The following NFATC2 variants were observed in gnomAD, a reference collection of about 807,000 sequenced individuals.
NFATC2 encodes nuclear factor of activated T cells 2.
In NFATC2, 22 loss-of-function variants were observed where a neutral mutation model predicts 87.3. That is an observed-to-expected ratio of 0.25 (90% CI 0.18 to 0.36). The LOEUF (loss-of-function observed/expected upper bound fraction) is 0.36, where lower values mean the gene tolerates loss of function less well. Ranked by LOEUF, NFATC2 falls within the 10% of genes least tolerant of loss-of-function variation. NFATC2 has a pLI of 1.00. For missense variants in NFATC2, 1,149 were observed against 1,259.1 expected (o/e 0.91, Z 1.32); for synonymous variants, 565 against 542.2 (o/e 1.04, Z -0.58).
chr20:51,424,058 C>A (rs1555874344), intron 9 of NFATC2, among the ~76,000 whole-genome samples: 4 of 152,108 alleles, frequency 2.6e-5, no homozygotes, highest in Admixed American at 1.3e-4. Context: ...GGAGGGGAAA[C>A]AAGAGAGGGA....
In NFATC2 at chr20:51,391,320, A is replaced by ATTTCATGTTCCTTTCATGTCTCCTTTC; in HGVS notation, c.*175_*176insGAAAGGAGACATGAAAGGAACATGAAA. 2 of 1,472,770 alleles carry ATTTCATGTTCCTTTCATGTCTCCTTTC rather than the reference A, an allele frequency of 1.4e-6. No individual in the cohort carries two copies. Among genetic ancestry groups the ATTTCATGTTCCTTTCATGTCTCCTTTC allele is most frequent in the Admixed American group, 3.3e-5 (2 of 59,786 alleles). 91.2% of individuals were successfully genotyped at this position (1,472,770 alleles called of 1,614,324 possible). A position where few individuals can be genotyped will look rare whatever the true frequency, so the allele number is the denominator to read the frequency against. ...CTCCGGGCTGGGAGATGAACATGAA[A>ATTTCATGTTCCTTTCATGTCTCCTTTC]GGAGACAGAAGGTGAGGGGCTGTGG... On this transcript the variant is annotated 3_prime_UTR_variant, in exon 11 of 11. Transcript: ENST00000371564.
intron 5 of NFATC2, among the ~76,000 whole-genome samples, chr20:51,455,972 G>A (rs1600773264): frequency 1.2e-5 from 1 of 86,240 alleles, no homozygotes; most frequent in Non-Finnish European, 2.3e-5. Flanking sequence ...GGGTGGGTGG[G>A]TGGATGTGTG....
At chr20:51,538,768 C>T (rs1251278767) in intron 1 of NFATC2, among the ~76,000 whole-genome samples, 1 of 152,196 alleles carries the variant, frequency 6.6e-6, no homozygotes, top group African/African-American at 2.4e-5. Flanking sequence ...TTAACCTATT[C>T]AAGGCAGGTA....
chr20:51,520,628 TTTTA>T (rs1215860295), intron 2 of NFATC2, among the ~76,000 whole-genome samples: 7 of 151,152 alleles, frequency 4.6e-5, no homozygotes, highest in African/African-American at 7.3e-5. Context: ...GATGTTTCCT[TTTTA>T]TTTATTTATT....
At chr20:51,430,543 GT>G (rs1490256149) in intron 9 of NFATC2, among the ~76,000 whole-genome samples, 1 of 152,168 alleles carries the variant, frequency 6.6e-6, no homozygotes, top group African/African-American at 2.4e-5. Flanking sequence ...ATACCTAGAG[GT>G]CAGCCTTGTA....
At chr20:51,505,977 T>G (rs920772901) in intron 3 of NFATC2, among the ~76,000 whole-genome samples, 4 of 152,198 alleles carry the variant, frequency 2.6e-5, no homozygotes, top group Non-Finnish European at 5.9e-5. Context: ...TGAGCTCTCA[T>G]CGCAGGCAGG....
chr20:51,483,193 C>G (rs890186091), intron 3 of NFATC2, among the ~76,000 whole-genome samples: 3 of 151,996 alleles, frequency 2.0e-5, no homozygotes, highest in Non-Finnish European at 4.4e-5. Context: ...TTGCAAGTGG[C>G]ACGTCTCTGA....
At chr20:51,472,028 G>A (rs924020870) in intron 5 of NFATC2, among the ~76,000 whole-genome samples, 1 of 152,136 alleles carries the variant, frequency 6.6e-6, no homozygotes, top group African/African-American at 2.4e-5. Context: ...TGAGGTGGGT[G>A]GATCATCTGA....
intron 3 of NFATC2, among the ~76,000 whole-genome samples, chr20:51,482,911 A>C (rs1989383699): frequency 6.6e-6 from 1 of 152,200 alleles, no homozygotes; most frequent in Non-Finnish European, 1.5e-5. Flanking sequence ...ATCTCAAAGA[A>C]CTACATGGCA....
At position 51,411,516 on chromosome 20, in the gene NFATC2, C is replaced by CTTTTTT. The variant is rs67935951; in HGVS notation, c.2723-12792_2723-12787dup. Among the ~76,000 whole-genome samples the CTTTTTT allele has an allele frequency of 3.7e-4, 32 of 87,246 alleles. 3 individuals carry two copies. The highest frequency in any genetic ancestry group is 7.5e-4 in the African/African-American group (18 of 23,966). 57.2% of individuals were successfully genotyped at this position (87,246 alleles called of 152,430 possible). A position where few individuals can be genotyped will look rare whatever the true frequency, so the allele number is the denominator to read the frequency against. ...CAAGGTCCTGAAGCAATGCAATTGT[C>CTTTTTT]TTTTTTTTTTTTTTTTTTTTTTTTT... On this transcript the variant is annotated intron_variant, in intron 9 of 10. Transcript: ENST00000371564.
intron 5 of NFATC2, among the ~76,000 whole-genome samples, chr20:51,457,802 C>A (rs544376756): frequency 6.6e-6 from 1 of 151,842 alleles, no homozygotes; most frequent in Non-Finnish European, 1.5e-5. Flanking sequence ...TGCGCACTAT[C>A]AAGTTTGAGA....
chr20:51,518,116 T>A (rs1030419570), intron 2 of NFATC2, among the ~76,000 whole-genome samples: 1 of 152,192 alleles, frequency 6.6e-6, no homozygotes, highest in African/African-American at 2.4e-5. Context: ...TCTTCCACCT[T>A]GATAAAGACA....
intron 5 of NFATC2, among the ~76,000 whole-genome samples, chr20:51,465,394 A>G (rs228849): frequency 0.49 from 73,854 of 151,904 alleles, 19,945 homozygotes; most frequent in South Asian, 0.63. Flanking sequence ...AACTATATAT[A>G]TAGAAATCAC....
chr20:51,459,640 G>A (rs1449728158), intron 5 of NFATC2, among the ~76,000 whole-genome samples: 2 of 152,172 alleles, frequency 1.3e-5, no homozygotes, highest in African/African-American at 4.8e-5. Flanking sequence ...CACTTTGGGA[G>A]GCCGAGGCAG....
intron 2 of NFATC2, among the ~76,000 whole-genome samples, chr20:51,519,951 A>G (rs1042134902): frequency 6.6e-6 from 1 of 151,928 alleles, no homozygotes; most frequent in African/African-American, 2.4e-5. Flanking sequence ...GAAGTAGAGC[A>G]TCAGAGCCAG....
intron 3 of NFATC2, among the ~76,000 whole-genome samples, chr20:51,477,432 G>C (rs900070786): frequency 2.7e-5 from 4 of 150,594 alleles, no homozygotes; most frequent in Admixed American, 1.3e-4. Context: ...AGAGGACTTT[G>C]ACTTTATATG....
chr20:51,542,200 G>T (rs2076829974), intron 1 of NFATC2, among the ~76,000 whole-genome samples, 170 bp downstream of exon 1: 1 of 152,104 alleles, frequency 6.6e-6, no homozygotes, highest in Admixed American at 6.5e-5. Flanking sequence ...GCCCCCTAAG[G>T]GTGGCAGGGG....
In NFATC2 at chr20:51,389,075, TAC is replaced by T. The variant is rs1487508194; in HGVS notation, c.*2419_*2420del. 2 of 152,208 alleles carry T rather than the reference TAC, an allele frequency of 1.3e-5. No homozygotes were observed. Among genetic ancestry groups the T allele is most frequent in the African/African-American group, 4.8e-5 (2 of 41,452 alleles). The allele number at this position is 152,208 out of a possible 1,614,324, so 9.4% of individuals were successfully genotyped here. A position where few individuals can be genotyped will look rare whatever the true frequency, so the allele number is the denominator to read the frequency against. On this transcript the variant is annotated 3_prime_UTR_variant, in exon 11 of 11. Coordinates refer to ENST00000371564, the MANE Select transcript of NFATC2 (RefSeq NM_012340.5). ...TGTTTCTCTTTCCTTTGCGATTTGT[TAC>T]AGTTGTTTATGAAAGTGCTTCCTAT...
At chr20:51,487,022 G>A (rs915837135) in intron 3 of NFATC2, among the ~76,000 whole-genome samples, 26 of 152,320 alleles carry the variant, frequency 1.7e-4, no homozygotes, top group Middle Eastern at 3.4e-3. Context: ...TGAGGCATGC[G>A]CAGTGCTCCC....
Sources: allele counts gnomAD v4.1 joint callset (sites outside exome capture counted in the v4.1 genomes callset), GRCh38; gene constraint gnomAD v4.1.1; transcripts MANE v1.5; gene names NCBI Gene and HGNC (gene_info 2026-07-23, HGNC 2026-07-21).